Variants in CA10 observed in about 807,000 individuals in gnomAD.
The protein encoded by CA10 is carbonic anhydrase 10 (inactive).
A neutral mutation model predicts 44.2 loss-of-function variants in CA10; 14 were observed. That is an observed-to-expected ratio of 0.32 (90% CI 0.21 to 0.50). The LOEUF (loss-of-function observed/expected upper bound fraction) is 0.50, where lower values mean the gene tolerates loss of function less well. CA10 is among the 20% of genes least tolerant of loss of function. The probability of loss-of-function intolerance (pLI) is 0.99; values close to 1 mark genes in which losing one functional copy is unlikely to be tolerated. For synonymous variants in CA10, 159 were observed against 141.6 expected (o/e 1.12, Z -0.87); for missense variants, 350 against 409.7 (o/e 0.85, Z 1.26).
In CA10 at chr17:52,082,543, G is replaced by A. The variant is rs112798290; in HGVS notation, c.62-10150C>T. Reference sequence around the variant, plus strand: ...TGAATACTGCACTTAACCTTCTCAGGTACAAAGCTTCCCTCACTCATCCTC... The same window carrying A: ...TGAATACTGCACTTAACCTTCTCAGATACAAAGCTTCCCTCACTCATCCTC... On this transcript the variant is annotated intron_variant, in intron 1 of 8. Coordinates refer to ENST00000451037, the MANE Select transcript of CA10 (RefSeq NM_020178.5). 3.2e-3 allele frequency among the ~76,000 whole-genome samples: 490 copies of A among 152,090 alleles called. 3 individuals carry two copies. The Middle Eastern group carries it at 0.065, about 20-fold the overall frequency.
chr17:52,062,833 G>A (rs542864727), intron 2 of CA10, among the ~76,000 whole-genome samples: 1 of 152,364 alleles, frequency 6.6e-6, no homozygotes, highest in Non-Finnish European at 1.5e-5. Flanking sequence ...CCTACAGGGA[G>A]CCTCTACTAG....
chr17:51,677,829 CA>C (rs1363240169), intron 4 of CA10, among the ~76,000 whole-genome samples: 4 of 151,566 alleles, frequency 2.6e-5, no homozygotes. Context: ...TTTGGTACCT[CA>C]AAAAGTTAAA....
At chr17:51,707,414 A>G (rs1020663978) in intron 4 of CA10, among the ~76,000 whole-genome samples, 14 of 152,168 alleles carry the variant, frequency 9.2e-5, no homozygotes, top group Non-Finnish European at 1.5e-4. Context: ...AGAATCTGAT[A>G]AGGTATAAAT....
chr17:51,756,489 T>TTG (rs1905084239), intron 3 of CA10, among the ~76,000 whole-genome samples: 2 of 144,962 alleles, frequency 1.4e-5, no homozygotes, highest in African/African-American at 5.0e-5. Context: ...TTTTTTTTTT[T>TTG]GAGTCTTTGC....
At chr17:51,831,003 C>G (rs1003042550) in intron 3 of CA10, among the ~76,000 whole-genome samples, 1 of 152,054 alleles carries the variant, frequency 6.6e-6, no homozygotes, top group Non-Finnish European at 1.5e-5. Flanking sequence ...TCGAATATAC[C>G]CATGTAAGAC....
intron 3 of CA10, among the ~76,000 whole-genome samples, chr17:51,784,865 T>A (rs1906202022): frequency 6.6e-6 from 1 of 152,220 alleles, no homozygotes; most frequent in Admixed American, 6.5e-5. Flanking sequence ...ATACTAGGTC[T>A]TATTCTTTCA....
intron 2 of CA10, among the ~76,000 whole-genome samples, chr17:52,054,916 CT>C (rs1311396769): frequency 2.6e-5 from 4 of 152,152 alleles, no homozygotes; most frequent in Admixed American, 6.6e-5. Context: ...TAGGAAGTGA[CT>C]TGAATATTCA....
At chr17:51,971,364 C>T (rs1417997486) in intron 2 of CA10, among the ~76,000 whole-genome samples, 1 of 152,074 alleles carries the variant, frequency 6.6e-6, no homozygotes, top group East Asian at 1.9e-4. Flanking sequence ...GCACAAAATA[C>T]TTAGTGAGAT....
intron 1 of CA10, among the ~76,000 whole-genome samples, chr17:52,118,695 A>G (rs748395882): frequency 2.0e-4 from 31 of 152,328 alleles, no homozygotes; most frequent in South Asian, 8.3e-4. Flanking sequence ...GATTTCTAAA[A>G]TTCTAATGTT....
chr17:51,811,614 C>G (rs999282114), intron 3 of CA10, among the ~76,000 whole-genome samples: 2 of 152,158 alleles, frequency 1.3e-5, no homozygotes, highest in Non-Finnish European at 2.9e-5. Context: ...AGGACATGAA[C>G]TCATCCTTTT....
intron 2 of CA10, among the ~76,000 whole-genome samples, chr17:52,003,534 T>C (rs1468405402): frequency 2.0e-5 from 3 of 151,978 alleles, no homozygotes; most frequent in African/African-American, 4.8e-5. Context: ...AATGAGTAGA[T>C]GAAAGCTTTG....
At chr17:51,650,004 G>C (rs199788787) in intron 5 of CA10, among the ~76,000 whole-genome samples, 8 of 126,654 alleles carry the variant, frequency 6.3e-5, no homozygotes, top group East Asian at 4.4e-4. Flanking sequence ...CAGCCAGCCA[G>C]CCACCCACCC....
Position 51,649,067 on chromosome 17 carries a change from G to A in CA10, c.634+115C>T, listed in dbSNP as rs1913452657. On this transcript the variant is annotated intron_variant, in intron 6 of 8. Transcript: ENST00000451037. ...CTCCAGAGTGACTTTCTACAGAACT[G>A]CAGGATCATGAAACTGAAAAGGGCC... 6 of 701,208 alleles carry A rather than the reference G, an allele frequency of 8.6e-6. No individual in the cohort carries two copies. The Admixed American group carries it at 1.5e-4, about 17-fold the overall frequency. 43.4% of individuals were successfully genotyped at this position (701,208 alleles called of 1,614,324 possible).
intron 2 of CA10, among the ~76,000 whole-genome samples, chr17:51,936,805 T>C (rs1337393911): frequency 2.0e-5 from 3 of 152,142 alleles, no homozygotes; most frequent in Non-Finnish European, 2.9e-5. Context: ...CGACTATCCT[T>C]GAAGTAGTTT....
chr17:51,817,786 A>T (rs1280065682), intron 3 of CA10, among the ~76,000 whole-genome samples: 1 of 152,172 alleles, frequency 6.6e-6, no homozygotes, highest in African/African-American at 2.4e-5. Context: ...AGTGCAGAAG[A>T]TATGCTCACG....
intron 4 of CA10, among the ~76,000 whole-genome samples, chr17:51,723,304 T>C (rs1916410889): frequency 6.6e-6 from 1 of 152,152 alleles, no homozygotes; most frequent in Admixed American, 6.5e-5. Context: ...AAATTAGCGC[T>C]GAATGTCAAG....
chr17:51,905,446 G>A (rs1452238383), intron 3 of CA10, among the ~76,000 whole-genome samples: 1 of 151,076 alleles, frequency 6.6e-6, no homozygotes, highest in Non-Finnish European at 1.5e-5. Flanking sequence ...AGTGCCACAT[G>A]CTAGTAAGTG....
intron 3 of CA10, among the ~76,000 whole-genome samples, chr17:51,843,491 T>A (rs1353595717): frequency 2.0e-5 from 3 of 152,220 alleles, no homozygotes; most frequent in Admixed American, 2.0e-4. Flanking sequence ...TAAAATGGAA[T>A]CATCCAGTTG....
intron 1 of CA10, among the ~76,000 whole-genome samples, chr17:52,106,382 C>T (rs771414526): frequency 4.6e-5 from 7 of 152,084 alleles, no homozygotes; most frequent in Middle Eastern, 3.2e-3. Flanking sequence ...ATTGCTGAGT[C>T]CTTGAAAATT....
Sources: gnomAD v4.1 joint callset for allele counts (sites outside exome capture counted in the v4.1 genomes callset) on GRCh38, gnomAD v4.1.1 for gene constraint, MANE v1.5 for transcripts, NCBI Gene and HGNC (gene_info 2026-07-23, HGNC 2026-07-21) for gene names.